The following MGAT4A variants were observed in gnomAD, a reference collection of about 807,000 sequenced individuals.
MGAT4A encodes alpha-1,3-mannosyl-glycoprotein 4-beta-N-acetylglucosaminyltransferase A.
In MGAT4A, 33 loss-of-function variants were observed where a neutral mutation model predicts 74.1. That is an observed-to-expected ratio of 0.45 (90% CI 0.34 to 0.60). MGAT4A has a LOEUF of 0.60. Ranked by LOEUF, MGAT4A falls within the 20% of genes least tolerant of loss-of-function variation. The pLI is 0.02. For synonymous variants in MGAT4A, 198 were observed against 210.4 expected, an observed-to-expected ratio of 0.94 and a Z score of 0.51; for missense variants, 479 against 628.3, an observed-to-expected ratio of 0.76 and a Z score of 2.54.
chr2:98,630,828 C>G (rs1445397766), intron 14 of MGAT4A, among the ~76,000 whole-genome samples: 1 of 152,124 alleles, frequency 6.6e-6, no homozygotes, highest in Admixed American at 6.6e-5. Flanking sequence ...TTAAGACTAC[C>G]CTTTTAAATT....
chr2:98,623,996 G>A lies in MGAT4A; in HGVS notation c.*1570C>T. 7.1e-6 allele frequency: 7 copies of A among 985,482 alleles called. No homozygotes were observed. Among genetic ancestry groups the A allele is most frequent in the Non-Finnish European group, 8.4e-6 (7 of 830,022 alleles). 61.0% of individuals were successfully genotyped at this position (985,482 alleles called of 1,614,324 possible). ...CAGTGTGTCCAAGCAGACTGGCTGG[G>A]AACTGATGTTGATACTTCATCTTTT... is the stretch of plus-strand genomic sequence containing the variant. On this transcript the variant is annotated 3_prime_UTR_variant, in exon 16 of 16. Coordinates refer to ENST00000393487, the MANE Select transcript of MGAT4A (RefSeq NM_012214.3).
At chr2:98,655,348 G>T in intron 8 of MGAT4A, 97 bp downstream of exon 8, 1 of 833,462 alleles carries the variant, frequency 1.2e-6, no homozygotes, top group East Asian at 2.6e-5. Flanking sequence ...GATCTCAGAG[G>T]GTTTGCACTT....
intron 2 of MGAT4A, among the ~76,000 whole-genome samples, chr2:98,710,113 A>G (rs1488757903): frequency 6.6e-6 from 1 of 152,204 alleles, no homozygotes; most frequent in Non-Finnish European, 1.5e-5. Flanking sequence ...ATAGACACCC[A>G]AATTTTGAAG....
At chr2:98,645,397 GA>G in intron 9 of MGAT4A, 30 bp downstream of exon 9, 1 of 1,428,890 alleles carries the variant, frequency 7.0e-7, no homozygotes, top group Non-Finnish European at 9.5e-7. Flanking sequence ...AGTTATTTAT[GA>G]AAAGTAGGTA....
Position 98,640,246 on chromosome 2 carries a change from T to C in MGAT4A, c.1021-18A>G. Reference sequence around the variant, plus strand: ...CAATGTTTCTAAATATTAAAAAAAATCACGTTAGTGTTGCATCATAAAGTG... The same window carrying C: ...CAATGTTTCTAAATATTAAAAAAAACCACGTTAGTGTTGCATCATAAAGTG... On this transcript the variant is annotated intron_variant, in intron 10 of 15. Transcript: ENST00000393487. The C allele has an allele frequency of 6.3e-7, 1 of 1,579,268 alleles. No homozygotes were observed. Among genetic ancestry groups the C allele is most frequent in the Non-Finnish European group, 8.7e-7 (1 of 1,154,110 alleles).
chr2:98,711,675 C>T (rs550941384), intron 2 of MGAT4A, among the ~76,000 whole-genome samples: 4 of 152,234 alleles, frequency 2.6e-5, no homozygotes, highest in South Asian at 2.1e-4. Context: ...TGTGTTCACA[C>T]GTGCATAAGT....
intron 10 of MGAT4A, among the ~76,000 whole-genome samples, chr2:98,640,939 A>G (rs1334139353): frequency 6.6e-6 from 1 of 152,232 alleles, no homozygotes. Context: ...ATTTTGTTGC[A>G]TGAAAGCAAC....
chr2:98,708,620 T>C (rs1216794787), intron 2 of MGAT4A, among the ~76,000 whole-genome samples: 3 of 152,234 alleles, frequency 2.0e-5, no homozygotes, highest in Non-Finnish European at 2.9e-5. Context: ...ACCAGTAATG[T>C]AGATGCTTCC....
chr2:98,675,113 A>G lies in MGAT4A; in HGVS notation c.325T>C (p.Tyr109His). 6.2e-7 allele frequency: 1 copy of G among 1,613,058 alleles called. No individual in the cohort carries two copies. Among genetic ancestry groups the G allele is most frequent in the Non-Finnish European group, 8.5e-7 (1 of 1,179,478 alleles). ...TTCAATAAATGAGGCAAATGATAAT[A>G]AATACTTGGCACTTGAAGAGATTTT... Reference protein sequence around the residue: ...SKKSLQVPSIYYHLPHLLKNE... With the variant: ...SKKSLQVPSIHYHLPHLLKNE... The change falls in exon 4 of 16, where the codon TAT becomes CAT. Residue 109 changes from tyrosine to histidine, a missense_variant. Around this residue, in one of 3 missense-constraint regions of MGAT4A, gnomAD observed 205 missense variants for 232.7 expected, o/e 0.88. Coordinates refer to ENST00000393487, the MANE Select transcript of MGAT4A (RefSeq NM_012214.3).
intron 10 of MGAT4A, 149 bp downstream of exon 10, chr2:98,643,772 AAG>A: frequency 1.5e-6 from 1 of 650,020 alleles, no homozygotes; most frequent in Admixed American, 4.0e-5. Context: ...TGCTATCTAA[AAG>A]TTCTTCTAAT....
chr2:98,687,192 C>T (rs1027497092), intron 2 of MGAT4A, among the ~76,000 whole-genome samples: 8 of 152,130 alleles, frequency 5.3e-5, no homozygotes, highest in South Asian at 2.1e-4. Flanking sequence ...AGCTATAATG[C>T]GCTGTATTTT....
chr2:98,682,842 T>C (rs1465176829), intron 2 of MGAT4A, among the ~76,000 whole-genome samples: 2 of 151,902 alleles, frequency 1.3e-5, no homozygotes, highest in African/African-American at 2.4e-5. Context: ...ATCCCAGCAG[T>C]TTGGGAGCTG....
intron 2 of MGAT4A, among the ~76,000 whole-genome samples, chr2:98,720,088 A>C (rs1217363162): frequency 1.3e-5 from 2 of 152,244 alleles, no homozygotes; most frequent in African/African-American, 4.8e-5. Flanking sequence ...AGAAATTTTA[A>C]GAAAGAACGA....
chr2:98,654,363 A>C (rs985947757), intron 8 of MGAT4A, among the ~76,000 whole-genome samples: 1 of 152,106 alleles, frequency 6.6e-6, no homozygotes, highest in African/African-American at 2.4e-5. Context: ...GAAAAGAAGA[A>C]GTAAAATTAT....
In MGAT4A at chr2:98,621,985, T is replaced by A; in HGVS notation, c.*3581A>T. 1.0e-6 allele frequency: 1 copy of A among 987,824 alleles called. No individual in the cohort carries two copies. The highest frequency in any genetic ancestry group is 1.2e-6 in the Non-Finnish European group (1 of 831,630). 61.2% of individuals were successfully genotyped at this position (987,824 alleles called of 1,614,324 possible). ...CCTATGTGCTAAATAATCCTTTGTG[T>A]TAACTTTTTCCAAAGCTTTTCAATC... On this transcript the variant is annotated 3_prime_UTR_variant, in exon 16 of 16. Coordinates refer to ENST00000393487, the MANE Select transcript of MGAT4A (RefSeq NM_012214.3).
chr2:98,705,968 A>AAAAG (rs1559173590), intron 2 of MGAT4A, among the ~76,000 whole-genome samples: 3 of 147,628 alleles, frequency 2.0e-5, no homozygotes, highest in African/African-American at 7.4e-5. Context: ...AAAAAAAAAA[A>AAAAG]AAAGAAAATC....
intron 2 of MGAT4A, among the ~76,000 whole-genome samples, chr2:98,696,509 G>A (rs1367151308): frequency 6.6e-6 from 1 of 152,198 alleles, no homozygotes; most frequent in Non-Finnish European, 1.5e-5. Context: ...CTATGTAATA[G>A]AAGTAGCATG....
chr2:98,645,644 T>A, intron 8 of MGAT4A, 102 bp from the exon 9 acceptor site: 1 of 854,090 alleles, frequency 1.2e-6, no homozygotes, highest in East Asian at 3.3e-5. Flanking sequence ...ATCATGAAAA[T>A]GAAGAAGACA....
intron 6 of MGAT4A, among the ~76,000 whole-genome samples, chr2:98,657,391 A>G (rs3769691): frequency 0.55 from 84,282 of 152,026 alleles, 26,158 homozygotes; most frequent in African/African-American, 0.84. Context: ...AAAGGGGACC[A>G]ATCATTACTG....
Sources: gnomAD v4.1 joint callset for allele counts (sites outside exome capture counted in the v4.1 genomes callset) on GRCh38, gnomAD v4.1.1 for gene constraint, gnomAD v4.1.1 regional missense constraint, MANE v1.5 for transcripts, NCBI Gene and HGNC (gene_info 2026-07-23, HGNC 2026-07-21) for gene names.